Variants in KCNN3 observed in about 807,000 individuals in gnomAD.
KCNN3 encodes small conductance calcium-activated potassium channel protein 3.
A neutral mutation model predicts 62.9 loss-of-function variants in KCNN3; 16 were observed. The observed-to-expected ratio is 0.25, with a 90% CI of 0.17 to 0.39. The LOEUF (loss-of-function observed/expected upper bound fraction) is 0.39. Among genes scored for constraint, KCNN3 ranks in the 10% least tolerant of loss-of-function variants. KCNN3 has a pLI of 1.00. For synonymous variants in KCNN3, 370 were observed against 389.2 expected (o/e 0.95, Z 0.58); for missense variants, 599 against 949.4 (o/e 0.63, Z 4.85).
intron 1 of KCNN3, among the ~76,000 whole-genome samples, chr1:154,861,230 C>T (rs138420115): frequency 5.3e-5 from 8 of 152,182 alleles, no homozygotes; most frequent in African/African-American, 1.7e-4. Context: ...GCTGCGATTA[C>T]AGGTATGAGC....
At position 154,756,103 on chromosome 1, in the gene KCNN3, GGAA is replaced by G. The variant is rs1257682616; in HGVS notation, c.1448+15869_1448+15871del. Among the ~76,000 whole-genome samples, 18 of 132,964 alleles carry G rather than the reference GGAA, an allele frequency of 1.4e-4. No individual in the cohort carries two copies. In the East Asian group the frequency reaches 3.3e-3, roughly 25 times the overall value. The allele number at this position is 132,964 out of a possible 152,430, so 87.2% of individuals were successfully genotyped here. On this transcript the variant is annotated intron_variant, in intron 3 of 7. Coordinates refer to ENST00000271915, the MANE Select transcript of KCNN3 (RefSeq NM_002249.6). ...AGGAGGAGGGGGAAAGAAGGAAGAA[GGAA>G]GAAGAAGGAAGAGGAAGATGAGGAG...
At chr1:154,784,170 T>C (rs2101854060) in intron 2 of KCNN3, among the ~76,000 whole-genome samples, 1 of 152,310 alleles carries the variant, frequency 6.6e-6, no homozygotes, top group African/African-American at 2.4e-5. Context: ...CTTGGGTTGC[T>C]GTGGCCACAC....
At chr1:154,769,451 T>A (rs1648451870) in intron 3 of KCNN3, among the ~76,000 whole-genome samples, 1 of 152,162 alleles carries the variant, frequency 6.6e-6, no homozygotes, top group African/African-American at 2.4e-5. Context: ...AGAGACCCAG[T>A]GGCCCACCAG....
chr1:154,801,883 C>T (rs1649969586), intron 2 of KCNN3, among the ~76,000 whole-genome samples: 1 of 152,174 alleles, frequency 6.6e-6, no homozygotes, highest in Non-Finnish European at 1.5e-5. Flanking sequence ...GCCAGGAACG[C>T]TCTCAGCAGT....
intron 3 of KCNN3, among the ~76,000 whole-genome samples, chr1:154,746,015 G>C (rs1417746105): frequency 6.6e-6 from 1 of 152,094 alleles, no homozygotes; most frequent in Admixed American, 6.6e-5. Flanking sequence ...TCTGTGTCTT[G>C]GGCTTCACTT....
At chr1:154,718,771 T>G (rs1700284463) in intron 5 of KCNN3, among the ~76,000 whole-genome samples, 1 of 152,234 alleles carries the variant, frequency 6.6e-6, no homozygotes, top group African/African-American at 2.4e-5. Flanking sequence ...TAGAGAGTGA[T>G]GCAAGTACTA....
intron 1 of KCNN3, among the ~76,000 whole-genome samples, chr1:154,854,759 G>T (rs1003338073): frequency 5.3e-5 from 8 of 152,144 alleles, no homozygotes; most frequent in African/African-American, 1.9e-4. Context: ...GTGTGTTTGT[G>T]TCTCAGTTTT....
At chr1:154,729,499 T>TCC (rs1187403444) in intron 4 of KCNN3, among the ~76,000 whole-genome samples, 1 of 152,084 alleles carries the variant, frequency 6.6e-6, no homozygotes, top group African/African-American at 2.4e-5. Context: ...ACACCAGTCC[T>TCC]CCCACCTCTT....
chr1:154,800,782 C>T (rs889177542), intron 2 of KCNN3, among the ~76,000 whole-genome samples: 3 of 152,098 alleles, frequency 2.0e-5, no homozygotes, highest in Non-Finnish European at 2.9e-5. Flanking sequence ...TGGTACCTCA[C>T]GCCTGTAATC....
intron 2 of KCNN3, among the ~76,000 whole-genome samples, chr1:154,795,678 G>C (rs964138725): frequency 1.3e-5 from 2 of 152,228 alleles, no homozygotes; most frequent in Non-Finnish European, 2.9e-5. Flanking sequence ...GTATGCATGA[G>C]GCTCCGTGGG....
chr1:154,820,142 G>A (rs1650830455), intron 2 of KCNN3, among the ~76,000 whole-genome samples: 1 of 152,228 alleles, frequency 6.6e-6, no homozygotes, highest in South Asian at 2.1e-4. Context: ...TGGGTACCCA[G>A]CCAGGTTCTG....
intron 1 of KCNN3, among the ~76,000 whole-genome samples, chr1:154,841,616 G>A (rs1651834054): frequency 6.6e-6 from 1 of 152,174 alleles, no homozygotes; most frequent in South Asian, 2.1e-4. Context: ...TAGGCTTCTG[G>A]TTCATGCCTG....
chr1:154,718,428 T>A (rs1363376566), intron 5 of KCNN3, among the ~76,000 whole-genome samples: 1 of 152,260 alleles, frequency 6.6e-6, no homozygotes, highest in Admixed American at 6.5e-5. Flanking sequence ...GAGTGCTTAC[T>A]ACGTGCCAGG....
chr1:154,847,406 C>T (rs1004532546), intron 1 of KCNN3, among the ~76,000 whole-genome samples: 2 of 152,182 alleles, frequency 1.3e-5, no homozygotes, highest in African/African-American at 2.4e-5. Flanking sequence ...AGGAAGGCAC[C>T]GAGGACCACG....
intron 1 of KCNN3, among the ~76,000 whole-genome samples, chr1:154,826,064 AAAAC>A (rs1257802774): frequency 2.2e-4 from 4 of 17,882 alleles, no homozygotes; most frequent in African/African-American, 7.5e-4. Context: ...AACAAAAACA[AAAAC>A]AAAAACAAAA....
At position 154,742,047 on chromosome 1, in the gene KCNN3, G is replaced by T. The variant is rs140695178; in HGVS notation, c.1449-8903C>A. Among the ~76,000 whole-genome samples the T allele has an allele frequency of 1.6e-4, 25 of 152,336 alleles. 1 individual carries two copies. In the South Asian group the frequency reaches 2.5e-3, roughly 15 times the overall value. The stretch of plus-strand genomic sequence containing the variant: ...ACTGCCCTCCTCTGGCATCTGCAGC[G>T]GCTCACTGGCCTGCTTTCCTCCCGC... On this transcript the variant is annotated intron_variant, in intron 3 of 7. Coordinates refer to ENST00000271915, the MANE Select transcript of KCNN3 (RefSeq NM_002249.6).
intron 1 of KCNN3, among the ~76,000 whole-genome samples, chr1:154,824,330 G>A (rs1469185912): frequency 6.6e-6 from 1 of 152,190 alleles, no homozygotes; most frequent in African/African-American, 2.4e-5. Flanking sequence ...ACATGTATGG[G>A]GGCCTAAGGA....
At chr1:154,746,176 A>G (rs1293286386) in intron 3 of KCNN3, among the ~76,000 whole-genome samples, 1 of 152,214 alleles carries the variant, frequency 6.6e-6, no homozygotes, top group Admixed American at 6.5e-5. Context: ...CTTGGTGCCT[A>G]CTTGGGAACT....
Position 154,862,407 on chromosome 1 carries a change from G to A in KCNN3, c.933+6625C>T, listed in dbSNP as rs1652803835. The stretch of plus-strand genomic sequence containing the variant: ...AACAGCCACACAGCCAGTGCTGGAG[G>A]AGAAAGGCAGCCTAAGAGAAGAGCA... On this transcript the variant is annotated intron_variant, in intron 1 of 7. Coordinates refer to ENST00000271915, the MANE Select transcript of KCNN3 (RefSeq NM_002249.6). The surrounding 1 kb of genome is among the most constrained non-coding windows in gnomAD (Gnocchi z 4.1). 6.6e-6 allele frequency among the ~76,000 whole-genome samples: 1 copy of A among 152,176 alleles called. No homozygotes were observed. The highest frequency in any genetic ancestry group is 1.5e-5 in the Non-Finnish European group (1 of 68,042).
Sources: gnomAD v4.1 joint callset for allele counts (sites outside exome capture counted in the v4.1 genomes callset) on GRCh38, gnomAD v4.1.1 for gene constraint, Gnocchi (gnomAD v3.1) non-coding constraint, MANE v1.5 for transcripts, NCBI Gene and HGNC (gene_info 2026-07-23, HGNC 2026-07-21) for gene names.